IL7: variants seen among roughly 807,000 people sequenced by gnomAD.
IL7 encodes the protein interleukin-7.
Under a neutral mutation model 21.6 loss-of-function variants are expected in IL7, and 3 were observed. The observed-to-expected ratio is 0.14, with a 90% CI of 0.06 to 0.36. The LOEUF is 0.36. Among genes scored for constraint, IL7 ranks in the 10% least tolerant of loss-of-function variants. IL7 has a pLI of 1.00. For missense variants in IL7, 175 were observed against 200.2 expected (o/e 0.87, Z 0.76); for synonymous variants, 62 against 68.1 (o/e 0.91, Z 0.44).
At chr8:78,726,003 T>C (rs1179485638) in intron 3 of IL7, among the ~76,000 whole-genome samples, 2 of 151,992 alleles carry the variant, frequency 1.3e-5, no homozygotes, top group Non-Finnish European at 2.9e-5. Context: ...TAGATGAAGA[T>C]TGAAAAGAAA....
intron 2 of IL7, among the ~76,000 whole-genome samples, chr8:78,771,773 A>G (rs1323034049): frequency 6.6e-6 from 1 of 152,104 alleles, no homozygotes; most frequent in Non-Finnish European, 1.5e-5. Flanking sequence ...TGGAGGATTC[A>G]AAAACTAATA....
downstream of IL7, among the ~76,000 whole-genome samples, chr8:78,713,767 C>A (rs1469115629): frequency 6.6e-6 from 1 of 152,160 alleles, no homozygotes; most frequent in Admixed American, 6.6e-5. Context: ...TGTAATACAG[C>A]CCACTTAAGT....
intron 2 of IL7, among the ~76,000 whole-genome samples, chr8:78,793,980 A>AT (rs1244504769): frequency 6.6e-6 from 1 of 152,056 alleles, no homozygotes; most frequent in African/African-American, 2.4e-5. Flanking sequence ...TTATCCTGAG[A>AT]TTTCAGCATT....
chr8:78,751,900 C>A (rs530044519), intron 2 of IL7, among the ~76,000 whole-genome samples: 1 of 152,228 alleles, frequency 6.6e-6, no homozygotes, highest in East Asian at 1.9e-4. Context: ...ATCTGTTAAC[C>A]AACTTCTCCC....
chr8:78,730,612 G>T (rs181985725), downstream of IL7, among the ~76,000 whole-genome samples: 5 of 151,952 alleles, frequency 3.3e-5, no homozygotes, highest in East Asian at 9.7e-4. Flanking sequence ...GTAAATTATT[G>T]TAGAAATGTG....
At chr8:78,738,657 AG>A in intron 3 of IL7, 22 bp from the exon 4 acceptor site, 1 of 1,607,780 alleles carries the variant, frequency 6.2e-7, no homozygotes, top group Admixed American at 1.7e-5. Context: ...AAAAGTCAGA[AG>A]GGCCATGGTT....
At chr8:78,769,250 G>A (rs1020051807) in intron 2 of IL7, among the ~76,000 whole-genome samples, 1 of 151,996 alleles carries the variant, frequency 6.6e-6, no homozygotes, top group Non-Finnish European at 1.5e-5. Flanking sequence ...AATTGTCCCT[G>A]TTTGCAGATG....
chr8:78,740,121 G>T (rs767757495), intron 2 of IL7, 39 bp from the exon 3 acceptor site: 1 of 1,170,958 alleles, frequency 8.5e-7, no homozygotes, highest in Non-Finnish European at 1.1e-6. Context: ...TTAAAACTGA[G>T]TACTTTTCTA....
chr8:78,792,835 A>G (rs1169233712), intron 2 of IL7, among the ~76,000 whole-genome samples: 1 of 152,142 alleles, frequency 6.6e-6, no homozygotes, highest in Non-Finnish European at 1.5e-5. Context: ...AGAAACGCAA[A>G]TGGTGCAGCC....
chr8:78,716,441 G>C (rs1811106871), downstream of IL7, among the ~76,000 whole-genome samples: 1 of 152,036 alleles, frequency 6.6e-6, no homozygotes, highest in Admixed American at 6.6e-5. Context: ...TTTGTTAATA[G>C]ATAATAGAGA....
At chr8:78,698,708 T>C (rs188996960) in intron 3 of IL7, among the ~76,000 whole-genome samples, 1 of 152,350 alleles carries the variant, frequency 6.6e-6, no homozygotes, top group Admixed American at 6.5e-5. Context: ...AATAATCTGG[T>C]ATTAAAAGCC....
intron 2 of IL7, among the ~76,000 whole-genome samples, chr8:78,744,843 A>G (rs1811922762): frequency 1.3e-5 from 2 of 152,142 alleles, no homozygotes; most frequent in Non-Finnish European, 2.9e-5. Flanking sequence ...CGAGGTTGCA[A>G]AGATTCGTGG....
At chr8:78,780,046 G>C (rs1813273081) in intron 2 of IL7, among the ~76,000 whole-genome samples, 1 of 152,144 alleles carries the variant, frequency 6.6e-6, no homozygotes, top group Admixed American at 6.5e-5. Context: ...GGTATTCTCT[G>C]ATGGTTGTTT....
intron 2 of IL7, chr8:78,746,809 T>C (rs761935070): frequency 2.3e-5 from 8 of 346,046 alleles, no homozygotes; most frequent in Non-Finnish European, 3.9e-5. Flanking sequence ...GATAGAGAAC[T>C]ATTGCTTTTT....
At chr8:78,761,134 A>G in intron 2 of IL7, 4 of 1,596,942 alleles carry the variant, frequency 2.5e-6, no homozygotes, top group Admixed American at 1.7e-5. Flanking sequence ...CAAAAGCATC[A>G]TGCCTCCCTG....
At chr8:78,681,281 A>G (rs1266789494) in intron 4 of IL7, among the ~76,000 whole-genome samples, 1 of 152,182 alleles carries the variant, frequency 6.6e-6, no homozygotes, top group Admixed American at 6.6e-5. Context: ...AGAAATGAAT[A>G]ATAGAAGCGA....
At chr8:78,804,688 G>A (rs1485984191) in intron 1 of IL7, among the ~76,000 whole-genome samples, 1 of 152,192 alleles carries the variant, frequency 6.6e-6, no homozygotes, top group Non-Finnish European at 1.5e-5. Flanking sequence ...ACTGTTACTC[G>A]CAGCCTGCCA....
intron 2 of IL7, chr8:78,760,705 A>G: frequency 6.4e-7 from 1 of 1,569,660 alleles, no homozygotes. Flanking sequence ...GGGTTTCTTT[A>G]TAGTAACTCT....
chr8:78,709,957 C>T (rs1810902801), intron 3 of IL7, among the ~76,000 whole-genome samples: 1 of 152,140 alleles, frequency 6.6e-6, no homozygotes, highest in Non-Finnish European at 1.5e-5. Context: ...GTACTTGCTA[C>T]ACTCCTACAA....
Sources: gnomAD v4.1 joint callset for allele counts (sites outside exome capture counted in the v4.1 genomes callset) on GRCh38, gnomAD v4.1.1 for gene constraint, MANE v1.5 for transcripts, NCBI Gene and HGNC (gene_info 2026-07-23, HGNC 2026-07-21) for gene names.